The following TIAM2 variants were observed in gnomAD, a reference collection of about 807,000 sequenced individuals.
TIAM2 encodes TIAM Rac1 associated GEF 2, also known as rho guanine nucleotide exchange factor TIAM2.
TIAM2 carries 80 observed loss-of-function variants against 152.9 expected under a neutral mutation model. The observed-to-expected ratio is 0.52, with a 90% CI of 0.44 to 0.63. The LOEUF (loss-of-function observed/expected upper bound fraction) is 0.63, where lower values mean the gene tolerates loss of function less well. Ranked by LOEUF, TIAM2 falls within the 30% of genes least tolerant of loss-of-function variation. The pLI, the probability that TIAM2 is intolerant of heterozygous loss-of-function variation, is 0.00. For synonymous variants in TIAM2, 804 were observed against 838.0 expected (o/e 0.96, Z 0.70); for missense variants, 1,965 against 2,120.1 (o/e 0.93, Z 1.44).
intron 21 of TIAM2, 102 bp from the exon 22 acceptor site, chr6:155,250,811 T>C (rs992915772): frequency 2.3e-6 from 3 of 1,288,440 alleles, no homozygotes; most frequent in Admixed American, 3.5e-5. Context: ...AAACCAGCTG[T>C]GCTTGCATTT....
At chr6:155,125,774 G>A (rs973638706) in intron 2 of TIAM2, among the ~76,000 whole-genome samples, 1 of 151,942 alleles carries the variant, frequency 6.6e-6, no homozygotes, top group Admixed American at 6.6e-5. Flanking sequence ...GGAGGCGGAG[G>A]TTGCAGTGAG....
chr6:155,117,599 C>A (rs1249694653), intron 2 of TIAM2, among the ~76,000 whole-genome samples: 2 of 152,182 alleles, frequency 1.3e-5, no homozygotes, highest in East Asian at 3.8e-4. Context: ...TGTGCCACCA[C>A]GCCTGACTAA....
chr6:155,180,285 T>TCAAAA (rs1448049460), intron 12 of TIAM2, among the ~76,000 whole-genome samples: 1 of 152,136 alleles, frequency 6.6e-6, no homozygotes, highest in Non-Finnish European at 1.5e-5. Flanking sequence ...AAACTCCGTC[T>TCAAAA]CAAAACAAAA....
intron 15 of TIAM2, among the ~76,000 whole-genome samples, chr6:155,235,083 G>C (rs1305303378): frequency 1.3e-5 from 2 of 151,944 alleles, no homozygotes; most frequent in Non-Finnish European, 2.9e-5. Flanking sequence ...GAGGGGAACG[G>C]GCCCTGTGCC....
intron 1 of TIAM2, among the ~76,000 whole-genome samples, chr6:155,044,612 C>T (rs547686084): frequency 2.2e-4 from 34 of 152,158 alleles, no homozygotes; most frequent in African/African-American, 6.0e-4. Context: ...GTCAGGAGTA[C>T]GAGACCAGCC....
intron 1 of TIAM2, among the ~76,000 whole-genome samples, chr6:155,016,041 A>G (rs1419214498): frequency 6.6e-6 from 1 of 152,010 alleles, no homozygotes; most frequent in Non-Finnish European, 1.5e-5. Flanking sequence ...AAAGGCAACA[A>G]TACTTGCTGG....
chr6:155,046,533 C>T (rs1309402889), intron 1 of TIAM2, among the ~76,000 whole-genome samples: 1 of 152,044 alleles, frequency 6.6e-6, no homozygotes, highest in East Asian at 1.9e-4. Context: ...ACAGGTTTCG[C>T]CATGTTGGCC....
chr6:155,054,937 G>A (rs763189432), intron 1 of TIAM2, among the ~76,000 whole-genome samples: 28 of 152,086 alleles, frequency 1.8e-4, no homozygotes, highest in Non-Finnish European at 3.1e-4. Flanking sequence ...TACTTTCTGT[G>A]GTCGACATAC....
intron 1 of TIAM2, among the ~76,000 whole-genome samples, chr6:155,042,945 A>G (rs1390147465): frequency 6.6e-6 from 1 of 152,102 alleles, no homozygotes; most frequent in African/African-American, 2.4e-5. Flanking sequence ...CAGTTACTTT[A>G]CTTATATAAT....
At chr6:155,182,076 A>G in intron 12 of TIAM2, 150 bp from the exon 13 acceptor site, 1 of 639,642 alleles carries the variant, frequency 1.6e-6, no homozygotes, top group Middle Eastern at 2.6e-4. Context: ...CCCCTGCAAG[A>G]TATTTATACT....
intron 19 of TIAM2, among the ~76,000 whole-genome samples, chr6:155,246,754 T>C (rs1297184413): frequency 6.6e-6 from 1 of 152,230 alleles, no homozygotes; most frequent in Admixed American, 6.5e-5. Context: ...GCTCCATTCC[T>C]CCTTTGTCAT....
At chr6:154,998,071 A>G (rs1348289730) in intron 1 of TIAM2, among the ~76,000 whole-genome samples, 1 of 152,130 alleles carries the variant, frequency 6.6e-6, no homozygotes. Flanking sequence ...TGATGCTTAG[A>G]CAGATGTCTT....
At position 155,156,484 on chromosome 6, in the gene TIAM2, G is replaced by C. The variant is rs991857080; in HGVS notation, c.2029-7931G>C. 6.6e-6 allele frequency among the ~76,000 whole-genome samples: 1 copy of C among 151,868 alleles called. No homozygotes were observed. The highest frequency in any genetic ancestry group is 2.4e-5 in the African/African-American group (1 of 41,336). ...AGCCTGGCCAATGTGGTGAAACCCCGTCTCTACTAAAAATACAAAAATAAT... is the reference window on the plus strand; with the variant it reads ...AGCCTGGCCAATGTGGTGAAACCCCCTCTCTACTAAAAATACAAAAATAAT... On this transcript the variant is annotated intron_variant, in intron 7 of 26. Transcript: ENST00000682666. The surrounding 1 kb of genome is among the most constrained non-coding windows in gnomAD (Gnocchi z 4.4).
chr6:155,132,797 G>A (rs1487448249), intron 4 of TIAM2, among the ~76,000 whole-genome samples: 2 of 152,190 alleles, frequency 1.3e-5, no homozygotes, highest in South Asian at 4.1e-4. Flanking sequence ...CATCTCTTAT[G>A]TGCACTGAGT....
intron 9 of TIAM2, among the ~76,000 whole-genome samples, chr6:155,168,394 G>T (rs1255206348): frequency 6.6e-6 from 1 of 152,120 alleles, no homozygotes; most frequent in Non-Finnish European, 1.5e-5. Context: ...GTCTCGTGCT[G>T]TTGCCCAGGC....
intron 1 of TIAM2, among the ~76,000 whole-genome samples, chr6:155,086,263 G>A (rs1483676295): frequency 1.3e-5 from 2 of 152,202 alleles, no homozygotes; most frequent in African/African-American, 4.8e-5. Context: ...CTGAGTTCTA[G>A]TCTTAGCTCT....
At chr6:155,053,113 G>A (rs891525418) in intron 1 of TIAM2, among the ~76,000 whole-genome samples, 1 of 152,132 alleles carries the variant, frequency 6.6e-6, no homozygotes, top group African/African-American at 2.4e-5. Flanking sequence ...GGACCATTAT[G>A]ACTTTGAGCA....
chr6:155,027,799 T>C (rs1776641282), intron 1 of TIAM2, among the ~76,000 whole-genome samples: 1 of 93,990 alleles, frequency 1.1e-5, no homozygotes, highest in Non-Finnish European at 2.0e-5. Flanking sequence ...GTGTTACATA[T>C]ATACTATATA....
chr6:155,231,100 C>A (rs1327970403), intron 15 of TIAM2, among the ~76,000 whole-genome samples: 1 of 152,186 alleles, frequency 6.6e-6, no homozygotes, highest in East Asian at 1.9e-4. Context: ...CCTTGGCCTC[C>A]CAGAGTGCTG....
Sources: allele counts gnomAD v4.1 joint callset (sites outside exome capture counted in the v4.1 genomes callset), GRCh38; gene constraint gnomAD v4.1.1; non-coding constraint Gnocchi (gnomAD v3.1); transcripts MANE v1.5; gene names NCBI Gene and HGNC (gene_info 2026-07-23, HGNC 2026-07-21).